ABCC4: variants seen among roughly 807,000 people sequenced by gnomAD.
The protein encoded by ABCC4 is ATP binding cassette subfamily C member 4 (PEL blood group), also known as ATP-binding cassette sub-family C member 4.
In ABCC4, 102 loss-of-function variants were observed where a neutral mutation model predicts 168.5. The observed-to-expected ratio is 0.61, with a 90% CI of 0.52 to 0.71. The LOEUF (loss-of-function observed/expected upper bound fraction) is 0.71, where lower values mean the gene tolerates loss of function less well. Among genes scored for constraint, ABCC4 ranks in the 30% least tolerant of loss-of-function variants. ABCC4 has a pLI of 0.00. For synonymous variants in ABCC4, 617 were observed against 590.7 expected, an observed-to-expected ratio of 1.04 and a Z score of -0.65; for missense variants, 1,402 against 1,605.8, an observed-to-expected ratio of 0.87 and a Z score of 2.17.
At chr13:95,098,037 G>A (rs969281119) in intron 20 of ABCC4, among the ~76,000 whole-genome samples, 3 of 151,534 alleles carry the variant, frequency 2.0e-5, no homozygotes, top group Non-Finnish European at 2.9e-5. Flanking sequence ...TCAACAGGCT[G>A]AGGCACAAGA....
chr13:95,101,946 G>A (rs911336414), intron 20 of ABCC4, among the ~76,000 whole-genome samples: 3 of 152,160 alleles, frequency 2.0e-5, no homozygotes, highest in African/African-American at 7.2e-5. Context: ...GTTATGCTAA[G>A]AATGTTATTG....
chr13:95,257,906 T>C (rs2040432321), intron 1 of ABCC4, among the ~76,000 whole-genome samples: 7 of 152,102 alleles, frequency 4.6e-5, no homozygotes, highest in Admixed American at 3.3e-4. Context: ...CCCTGGGAAA[T>C]AAATATGAGT....
In ABCC4 at chr13:95,210,619, G is replaced by A. The variant is rs4148472; in HGVS notation, c.621+73C>T. On this transcript the variant is annotated intron_variant, in intron 5 of 30. Coordinates refer to ENST00000645237, the MANE Select transcript of ABCC4 (RefSeq NM_005845.5). ...TCCAGTGTGAACAGAGTGAGCCCCT[G>A]CCTCCAGAAAGAATAAAAGGGGAAA... The A allele has an allele frequency of 0.25, 319,452 of 1,279,724 alleles. 42,200 individuals are homozygous for A. Among genetic ancestry groups the A allele is most frequent in the South Asian group, 0.33 (26,623 of 79,672 alleles). 79.3% of individuals were successfully genotyped at this position (1,279,724 alleles called of 1,614,324 possible). A position where few individuals can be genotyped will look rare whatever the true frequency, so the allele number is the denominator to read the frequency against.
intron 25 of ABCC4, among the ~76,000 whole-genome samples, chr13:95,064,694 T>G (rs1048097701): frequency 5.3e-5 from 8 of 152,088 alleles, no homozygotes; most frequent in Non-Finnish European, 1.5e-5. Context: ...ATGGCCAGGA[T>G]GGACCCCCTC....
chr13:95,027,496 A>G (rs959557469), intron 30 of ABCC4, among the ~76,000 whole-genome samples: 1 of 152,234 alleles, frequency 6.6e-6, no homozygotes, highest in African/African-American at 2.4e-5. Context: ...AGTGGGTTGT[A>G]GCCTGAGGTT....
intron 3 of ABCC4, among the ~76,000 whole-genome samples, chr13:95,240,081 A>G (rs2039888445): frequency 6.6e-6 from 1 of 152,174 alleles, no homozygotes; most frequent in Non-Finnish European, 1.5e-5. Flanking sequence ...CCTGAATCAC[A>G]TCAAGCTTCT....
In ABCC4 at chr13:95,034,677, CTCTT is replaced by C; in HGVS notation, c.3794_3797del (p.Lys1265ArgfsTer53). The C allele has an allele frequency of 6.2e-7, 1 of 1,614,210 alleles. No individual in the cohort carries two copies. On this transcript the variant is annotated frameshift_variant, in exon 30 of 31. Transcript: ENST00000645237. LOFTEE classifies it high-confidence loss of function. ...GTTGCACCATCTTGTAAAATAGGCTCTCTTTATTTTGCAGCAAAACATACGGCTC... is the reference window on the plus strand; with the variant it reads ...GTTGCACCATCTTGTAAAATAGGCTCTATTTTGCAGCAAAACATACGGCTC...
chr13:95,107,933 C>T (rs1206772420), intron 20 of ABCC4, among the ~76,000 whole-genome samples: 1 of 151,930 alleles, frequency 6.6e-6, no homozygotes, highest in Non-Finnish European at 1.5e-5. Flanking sequence ...AGCGAGACCC[C>T]ATCTCAAAAA....
chr13:95,023,193 C>G (rs1212311470), intron 30 of ABCC4, among the ~76,000 whole-genome samples: 2 of 152,176 alleles, frequency 1.3e-5, no homozygotes, highest in Non-Finnish European at 2.9e-5. Context: ...CTGCTTCCTT[C>G]TGTGTAACCC....
chr13:95,118,473 A>C (rs2139418645), intron 19 of ABCC4, among the ~76,000 whole-genome samples: 1 of 152,084 alleles, frequency 6.6e-6, no homozygotes, highest in African/African-American at 2.4e-5. Flanking sequence ...CAAGCTTCTG[A>C]TCTCAGGTGA....
chr13:95,079,581 T>C (rs1369782804), intron 21 of ABCC4, among the ~76,000 whole-genome samples: 1 of 152,206 alleles, frequency 6.6e-6, no homozygotes, highest in African/African-American at 2.4e-5. Flanking sequence ...ACGCCTGTAA[T>C]CCCAGCACTT....
At chr13:95,184,549 A>C (rs1290762208) in intron 11 of ABCC4, among the ~76,000 whole-genome samples, 1 of 152,202 alleles carries the variant, frequency 6.6e-6, no homozygotes, top group Non-Finnish European at 1.5e-5. Flanking sequence ...ACCAGCCAGA[A>C]GCAACATTCA....
intron 1 of ABCC4, among the ~76,000 whole-genome samples, chr13:95,286,521 G>T (rs576812540): frequency 6.7e-4 from 88 of 132,230 alleles, no homozygotes; most frequent in Non-Finnish European, 1.2e-3. Flanking sequence ...ATTTCCCTTT[G>T]TGGCCTTTGT....
intron 11 of ABCC4, among the ~76,000 whole-genome samples, chr13:95,185,425 G>A (rs900456751): frequency 4.6e-5 from 7 of 152,188 alleles, no homozygotes; most frequent in Admixed American, 2.0e-4. Context: ...TGAAGAAACA[G>A]CCCATTAAAC....
chr13:95,166,737 C>T (rs1472741209), intron 14 of ABCC4, among the ~76,000 whole-genome samples: 1 of 152,158 alleles, frequency 6.6e-6, no homozygotes, highest in East Asian at 1.9e-4. Context: ...AGGAAAGAAA[C>T]CTAACACTGA....
intron 20 of ABCC4, among the ~76,000 whole-genome samples, chr13:95,085,078 G>A (rs1300636747): frequency 5.9e-5 from 9 of 152,194 alleles, no homozygotes; most frequent in Non-Finnish European, 1.2e-4. Flanking sequence ...CATGCTCTGA[G>A]GCCTCCAAAG....
intron 4 of ABCC4, among the ~76,000 whole-genome samples, chr13:95,226,276 A>ACT: frequency 1.3e-5 from 2 of 152,258 alleles, no homozygotes; most frequent in Admixed American, 1.3e-4. Context: ...GAGACTTAGA[A>ACT]TAGTCAAAAC....
intron 1 of ABCC4, among the ~76,000 whole-genome samples, chr13:95,277,049 CAAA>C (rs1358471982): frequency 6.6e-6 from 1 of 152,040 alleles, no homozygotes; most frequent in Non-Finnish European, 1.5e-5. Context: ...AATAAATAAA[CAAA>C]GTATACAACC....
intron 4 of ABCC4, among the ~76,000 whole-genome samples, chr13:95,226,798 A>G (rs1176501978): frequency 1.3e-5 from 2 of 152,220 alleles, no homozygotes; most frequent in Non-Finnish European, 2.9e-5. Flanking sequence ...GGGCTGATGA[A>G]CAGCTACCAT....
Sources: gnomAD v4.1 joint callset for allele counts (sites outside exome capture counted in the v4.1 genomes callset) on GRCh38, gnomAD v4.1.1 for gene constraint, MANE v1.5 for transcripts, NCBI Gene and HGNC (gene_info 2026-07-23, HGNC 2026-07-21) for gene names.